Variants in GAB1 observed in about 807,000 individuals in gnomAD.
GAB1 encodes GRB2 associated binding protein 1.
In GAB1, 19 loss-of-function variants were observed where a neutral mutation model predicts 66.5. That is an observed-to-expected ratio of 0.29 (90% confidence interval 0.20 to 0.42). The LOEUF (loss-of-function observed/expected upper bound fraction) is 0.42, where lower values mean the gene tolerates loss of function less well. Among genes scored for constraint, GAB1 ranks in the 10% least tolerant of loss-of-function variants. The pLI is 1.00. For missense variants in GAB1, 732 were observed against 858.5 expected, an observed-to-expected ratio of 0.85 and a Z score of 1.84; for synonymous variants, 294 against 301.4, an observed-to-expected ratio of 0.98 and a Z score of 0.25.
chr4:143,443,142 G>A (rs565655745), intron 6 of GAB1, among the ~76,000 whole-genome samples: 35 of 150,760 alleles, frequency 2.3e-4, no homozygotes, highest in African/African-American at 7.8e-4. Flanking sequence ...TCAGCTTCCC[G>A]AGTAGCTGGG....
chr4:143,375,056 T>C (rs1224562218), intron 1 of GAB1, among the ~76,000 whole-genome samples: 1 of 152,210 alleles, frequency 6.6e-6, no homozygotes, highest in Non-Finnish European at 1.5e-5. Context: ...CAAGGGATTC[T>C]CATGCTTCAG....
chr4:143,452,650 C>A (rs543142721), intron 6 of GAB1, among the ~76,000 whole-genome samples: 6 of 152,288 alleles, frequency 3.9e-5, no homozygotes, highest in African/African-American at 1.4e-4. Flanking sequence ...AAAATTAGAT[C>A]ATCTCTAATC....
intron 1 of GAB1, among the ~76,000 whole-genome samples, chr4:143,396,760 G>A (rs572411601): frequency 2.8e-4 from 43 of 152,304 alleles, no homozygotes; most frequent in African/African-American, 9.9e-4. Context: ...CATTCTTGGG[G>A]TTGAGGGACA....
chr4:143,356,081 CG>C (rs988062725), intron 1 of GAB1, among the ~76,000 whole-genome samples: 1 of 150,340 alleles, frequency 6.7e-6, no homozygotes, highest in Non-Finnish European at 1.5e-5. Context: ...GGGTCGGGGC[CG>C]GGGGGAGACT....
chr4:143,444,133 G>C (rs1301009537), intron 6 of GAB1, among the ~76,000 whole-genome samples: 1 of 152,118 alleles, frequency 6.6e-6, no homozygotes, highest in Non-Finnish European at 1.5e-5. Flanking sequence ...CTGATGGAAA[G>C]GGAGTTTTGT....
chr4:143,399,119 CTT>C (rs1731614355), intron 1 of GAB1, among the ~76,000 whole-genome samples: 1 of 152,078 alleles, frequency 6.6e-6, no homozygotes, highest in South Asian at 2.1e-4. Context: ...TCAGAGTTGT[CTT>C]TATGGAAATG....
chr4:143,384,022 A>G (rs893684635), intron 1 of GAB1, among the ~76,000 whole-genome samples: 2 of 152,128 alleles, frequency 1.3e-5, no homozygotes, highest in Non-Finnish European at 2.9e-5. Flanking sequence ...GCAGTGAGCT[A>G]TGGTCGCACC....
chr4:143,447,111 G>A (rs1234620808), intron 6 of GAB1, among the ~76,000 whole-genome samples: 1 of 151,910 alleles, frequency 6.6e-6, no homozygotes, highest in Non-Finnish European at 1.5e-5. Context: ...TTGTAGATAT[G>A]CGGCGTTATT....
At chr4:143,456,187 G>A (rs1479953253) in intron 6 of GAB1, among the ~76,000 whole-genome samples, 1 of 152,226 alleles carries the variant, frequency 6.6e-6, no homozygotes, top group Non-Finnish European at 1.5e-5. Context: ...GCCGGGCGCG[G>A]TGGCTTACGC....
At chr4:143,392,869 T>G (rs183936727) in intron 1 of GAB1, among the ~76,000 whole-genome samples, 1 of 152,264 alleles carries the variant, frequency 6.6e-6, no homozygotes, top group East Asian at 1.9e-4. Flanking sequence ...AAGATGGATA[T>G]CTGAGGTTTT....
At chr4:143,386,719 A>T (rs756866411) in intron 1 of GAB1, among the ~76,000 whole-genome samples, 15 of 152,188 alleles carry the variant, frequency 9.9e-5, no homozygotes, top group Non-Finnish European at 2.1e-4. Flanking sequence ...ATAATTTTGT[A>T]TATGAAACAA....
chr4:143,440,000 G>A, intron 5 of GAB1, 79 bp from the exon 6 acceptor site: 1 of 1,419,168 alleles, frequency 7.0e-7, no homozygotes, highest in Non-Finnish European at 9.9e-7. Flanking sequence ...AGATCCATAT[G>A]AATGAGTGTG....
chr4:143,337,570 G>C (rs1728703106), intron 1 of GAB1, among the ~76,000 whole-genome samples: 1 of 152,158 alleles, frequency 6.6e-6, no homozygotes, highest in Non-Finnish European at 1.5e-5. Context: ...TTCTTCCTTA[G>C]GAAGGATGGG....
At chr4:143,399,044 C>T (rs530491495) in intron 1 of GAB1, among the ~76,000 whole-genome samples, 1 of 152,234 alleles carries the variant, frequency 6.6e-6, no homozygotes. Flanking sequence ...ATCACTGAAC[C>T]ATTGTGTCTT....
At chr4:143,361,200 T>A (rs1455954694) in intron 1 of GAB1, among the ~76,000 whole-genome samples, 1 of 152,162 alleles carries the variant, frequency 6.6e-6, no homozygotes, top group African/African-American at 2.4e-5. Context: ...CATTTTAGGG[T>A]ATAGCCAGTG....
At chr4:143,367,972 G>T (rs986432649) in intron 1 of GAB1, among the ~76,000 whole-genome samples, 1 of 151,856 alleles carries the variant, frequency 6.6e-6, no homozygotes, top group Non-Finnish European at 1.5e-5. Flanking sequence ...CAGTCCATCC[G>T]CCTCAGCCTC....
intron 1 of GAB1, among the ~76,000 whole-genome samples, chr4:143,341,337 G>A (rs748204857): frequency 2.2e-4 from 33 of 152,212 alleles, no homozygotes; most frequent in Non-Finnish European, 3.7e-4. Context: ...AGAAATGATG[G>A]TGAAATTTTC....
intron 6 of GAB1, among the ~76,000 whole-genome samples, chr4:143,451,923 A>G (rs1217179424): frequency 4.0e-5 from 6 of 151,810 alleles, no homozygotes; most frequent in Non-Finnish European, 8.8e-5. Flanking sequence ...CAGACAAACA[A>G]TTTTTTATTT....
At chr4:143,427,660 T>C (rs1733437063) in intron 2 of GAB1, among the ~76,000 whole-genome samples, 1 of 152,102 alleles carries the variant, frequency 6.6e-6, no homozygotes, top group Non-Finnish European at 1.5e-5. Flanking sequence ...AATTAACTTT[T>C]CCCAGTTTGG....
Sources: gnomAD v4.1 joint callset for allele counts (sites outside exome capture counted in the v4.1 genomes callset) on GRCh38, gnomAD v4.1.1 for gene constraint, MANE v1.5 for transcripts, NCBI Gene and HGNC (gene_info 2026-07-23, HGNC 2026-07-21) for gene names.